The following CHODL variants were observed in gnomAD, a reference collection of about 807,000 sequenced individuals.
CHODL encodes chondrolectin.
A neutral mutation model predicts 34.5 loss-of-function variants in CHODL; 29 were observed. The ratio of observed to expected loss-of-function variants is 0.84; its 90% CI spans 0.63 to 1.15. CHODL has a LOEUF of 1.15. CHODL is among the 50% of genes most tolerant of loss of function. CHODL has a pLI of 0.00. For missense variants in CHODL, 332 were observed against 332.5 expected, an observed-to-expected ratio of 1.00 and a Z score of 0.01; for synonymous variants, 125 against 116.1, an observed-to-expected ratio of 1.08 and a Z score of -0.49.
At chr21:17,937,891 A>T (rs2063330431) in intron 1 of CHODL, among the ~76,000 whole-genome samples, 1 of 152,170 alleles carries the variant, frequency 6.6e-6, no homozygotes, top group Non-Finnish European at 1.5e-5. Context: ...AGGGCCAAGG[A>T]TACAAAGATA....
chr21:18,265,024 T>G (rs1296973614), intron 5 of CHODL, among the ~76,000 whole-genome samples: 1 of 151,924 alleles, frequency 6.6e-6, no homozygotes, highest in East Asian at 1.9e-4. Flanking sequence ...AGGAGCAAAA[T>G]GATTTCCAAA....
intron 2 of CHODL, among the ~76,000 whole-genome samples, chr21:18,204,766 A>G (rs981188579): frequency 6.6e-6 from 1 of 152,190 alleles, no homozygotes; most frequent in African/African-American, 2.4e-5. Context: ...TCAAATGATG[A>G]AACACTAGAG....
chr21:17,947,346 A>G (rs936642540), intron 1 of CHODL, among the ~76,000 whole-genome samples: 1 of 152,140 alleles, frequency 6.6e-6, no homozygotes, highest in Non-Finnish European at 1.5e-5. Flanking sequence ...AACCCATGGA[A>G]TACAGTAAAA....
intron 2 of CHODL, among the ~76,000 whole-genome samples, chr21:18,064,963 T>C (rs2064713854): frequency 6.6e-6 from 1 of 152,220 alleles, no homozygotes; most frequent in Admixed American, 6.5e-5. Context: ...CTAGTAATTA[T>C]TCTATCTTTG....
chr21:17,921,642 A>G (rs2063184252), intron 1 of CHODL, among the ~76,000 whole-genome samples: 1 of 152,356 alleles, frequency 6.6e-6, no homozygotes, highest in African/African-American at 2.4e-5. Context: ...TGTGAGAAAT[A>G]GGCAGATGTT....
chr21:18,103,074 T>C (rs1285391612), intron 2 of CHODL, among the ~76,000 whole-genome samples: 1 of 152,188 alleles, frequency 6.6e-6, no homozygotes, highest in Non-Finnish European at 1.5e-5. Context: ...ATGTTAAGAA[T>C]ATGCATTTTA....
intron 4 of CHODL, among the ~76,000 whole-genome samples, chr21:18,261,438 G>A (rs936091356): frequency 6.6e-5 from 10 of 152,076 alleles, no homozygotes; most frequent in African/African-American, 2.2e-4. Context: ...GGCTGAGGCA[G>A]GTGGGTCACC....
chr21:18,162,718 A>G (rs1225376117), intron 2 of CHODL, among the ~76,000 whole-genome samples: 1 of 152,172 alleles, frequency 6.6e-6, no homozygotes. Flanking sequence ...ATTATATACC[A>G]TATATTCTTC....
At chr21:18,010,168 G>GAT (rs1279924651) in intron 1 of CHODL, among the ~76,000 whole-genome samples, 5 of 143,766 alleles carry the variant, frequency 3.5e-5, no homozygotes, top group African/African-American at 1.3e-4. Context: ...CGTGGTGGCG[G>GAT]GCCCTGTAGT....
intron 2 of CHODL, among the ~76,000 whole-genome samples, chr21:18,224,949 G>A (rs182125324): frequency 6.6e-6 from 1 of 152,112 alleles, no homozygotes; most frequent in East Asian, 1.9e-4. Context: ...TTATTAGAAT[G>A]CTGGTTATAC....
chr21:18,003,172 T>C (rs2063927431), intron 1 of CHODL, among the ~76,000 whole-genome samples: 1 of 150,406 alleles, frequency 6.6e-6, no homozygotes, highest in Admixed American at 6.6e-5. Context: ...GGCGTTCAAC[T>C]TCACTAGCTT....
At chr21:18,261,725 G>C (rs964280383) in intron 4 of CHODL, among the ~76,000 whole-genome samples, 1 of 152,090 alleles carries the variant, frequency 6.6e-6, no homozygotes, top group Admixed American at 6.5e-5. Context: ...TTTTGAAATT[G>C]AGCAGATGTT....
chr21:18,252,972 A>C (rs895867054), intron 1 of CHODL, among the ~76,000 whole-genome samples: 2 of 152,116 alleles, frequency 1.3e-5, no homozygotes, highest in Non-Finnish European at 2.9e-5. Context: ...GACAGCACTG[A>C]TTGTTAGTTA....
chr21:18,134,466 G>C (rs776745449), intron 2 of CHODL: 34 of 456,846 alleles, frequency 7.4e-5, no homozygotes, highest in Admixed American at 1.2e-4. Context: ...CTTTCCTTCA[G>C]ACTGAATACA....
At position 18,015,856 on chromosome 21, in the gene CHODL, A is replaced by G. The variant is rs997033283; in HGVS notation, c.-144-12016A>G. Among the ~76,000 whole-genome samples the G allele has an allele frequency of 2.0e-5, 3 of 152,278 alleles. No individual in the cohort carries two copies. The East Asian group carries it at 5.8e-4, about 29-fold the overall frequency. Reference sequence around the variant, plus strand: ...GAACTTGAGAGAGATGATTTAGGGTATCTTGTGGAAGAAATTTCTAAGCAG... The same window carrying G: ...GAACTTGAGAGAGATGATTTAGGGTGTCTTGTGGAAGAAATTTCTAAGCAG... On this transcript the variant is annotated intron_variant, in intron 1 of 6. Transcript: ENST00000400127.
intron 1 of CHODL, among the ~76,000 whole-genome samples, chr21:17,962,038 A>G (rs1032352492): frequency 1.3e-5 from 2 of 152,232 alleles, no homozygotes; most frequent in Non-Finnish European, 2.9e-5. Flanking sequence ...TGTCCTGGGT[A>G]GATCAGACTA....
chr21:18,141,177 T>G (rs2072797416), intron 2 of CHODL, among the ~76,000 whole-genome samples: 1 of 151,946 alleles, frequency 6.6e-6, no homozygotes, highest in Admixed American at 6.6e-5. Flanking sequence ...GGACTTGGAG[T>G]AATCATGGGG....
chr21:18,225,866 T>C (rs2073926518), intron 2 of CHODL, among the ~76,000 whole-genome samples: 1 of 152,022 alleles, frequency 6.6e-6, no homozygotes, highest in Non-Finnish European at 1.5e-5. Flanking sequence ...GACTGCCTAC[T>C]CCAAATTAAA....
chr21:17,985,181 G>A (rs1266474999), intron 1 of CHODL, among the ~76,000 whole-genome samples: 1 of 152,030 alleles, frequency 6.6e-6, no homozygotes, highest in African/African-American at 2.4e-5. Flanking sequence ...CAGAAACATG[G>A]ATATTACTAT....
Sources: allele counts gnomAD v4.1 joint callset (sites outside exome capture counted in the v4.1 genomes callset), GRCh38; gene constraint gnomAD v4.1.1; transcripts MANE v1.5; gene names NCBI Gene and HGNC (gene_info 2026-07-23, HGNC 2026-07-21).